The following C1orf116 variants were observed in gnomAD, a reference collection of about 807,000 sequenced individuals.
C1orf116 encodes specifically androgen-regulated gene protein.
C1orf116 carries 12 observed loss-of-function variants against 14.1 expected under a neutral mutation model. The ratio of observed to expected loss-of-function variants is 0.85; its 90% CI spans 0.54 to 1.38. C1orf116 has a LOEUF of 1.38. Among genes scored for constraint, C1orf116 ranks in the 40% most tolerant of loss-of-function variants. The pLI, the probability that C1orf116 is intolerant of heterozygous loss-of-function variation, is 0.00. For missense variants in C1orf116, 797 were observed against 747.0 expected, an observed-to-expected ratio of 1.07 and a Z score of -0.78; for synonymous variants, 296 against 299.0, an observed-to-expected ratio of 0.99 and a Z score of 0.10.
At chr1:207,024,174 G>A (rs1309524409) in intron 3 of C1orf116, among the ~76,000 whole-genome samples, 2 of 152,260 alleles carry the variant, frequency 1.3e-5, no homozygotes, top group Non-Finnish European at 2.9e-5. Context: ...CCCTGGGCCA[G>A]TGAATCAGCC....
chr1:207,021,685 T>G lies in C1orf116; in HGVS notation c.*273A>C. The G allele has an allele frequency of 6.6e-6, 2 of 300,824 alleles. No individual in the cohort carries two copies. Among genetic ancestry groups the G allele is most frequent in the Non-Finnish European group, 6.2e-6 (1 of 162,428 alleles). 18.6% of individuals were successfully genotyped at this position (300,824 alleles called of 1,614,324 possible). A position where few individuals can be genotyped will look rare whatever the true frequency, so the allele number is the denominator to read the frequency against. ...GAGCAAAATTCTGAACAGTGACTCA[T>G]TGTGTTATATCAATAGCTTCAGTGA... is the stretch of plus-strand genomic sequence containing the variant. On this transcript the variant is annotated 3_prime_UTR_variant, in exon 4 of 4. Transcript: ENST00000359470.
At chr1:207,030,330 C>T (rs1212696160) in intron 1 of C1orf116, among the ~76,000 whole-genome samples, 3 of 152,092 alleles carry the variant, frequency 2.0e-5, no homozygotes, top group Admixed American at 6.6e-5. Context: ...TATCTGGATG[C>T]AAGAGGGGCA....
intron 1 of C1orf116, among the ~76,000 whole-genome samples, chr1:207,028,087 C>T (rs949156221): frequency 2.0e-5 from 3 of 152,178 alleles, no homozygotes; most frequent in African/African-American, 7.2e-5. Context: ...TACTCTGAGT[C>T]TGTTTTTCCT....
chr1:207,023,757 A>T (rs1681965255), intron 3 of C1orf116, among the ~76,000 whole-genome samples: 1 of 152,222 alleles, frequency 6.6e-6, no homozygotes, highest in Non-Finnish European at 1.5e-5. Context: ...CAAGTGGATC[A>T]TTTGAGCCCA....
Position 207,022,523 on chromosome 1 carries a change from G to A in C1orf116, c.1241C>T (p.Pro414Leu), listed in dbSNP as rs139672832. The A allele has an allele frequency of 1.5e-3, 2,436 of 1,614,136 alleles. 4 individuals carry two copies. The highest frequency in any genetic ancestry group is 1.8e-3 in the Non-Finnish European group (2,128 of 1,179,998). Residue 414 changes from proline (P) to leucine (L), a missense_variant, in exon 4 of 4, where the codon CCG becomes CTG. Physicochemically the swap from Pro to Leu is moderately conservative, Grantham distance 98. Coordinates refer to ENST00000359470, the MANE Select transcript of C1orf116 (RefSeq NM_023938.6). ...CTGAGCTGGACCTGGAGCTGGAGCC[G>A]GAGCTTGAGCCAGAGCCTTCCCAGC... is the stretch of plus-strand genomic sequence containing the variant. ...PAAGKALAQA[P>L]APAPGPAQGP...
intron 1 of C1orf116, among the ~76,000 whole-genome samples, chr1:207,030,969 G>A (rs1682225681): frequency 6.6e-6 from 1 of 152,156 alleles, no homozygotes; most frequent in Admixed American, 6.5e-5. Context: ...GAGATGGTGG[G>A]GTGGGGAGAG....
chr1:207,029,651 T>C (rs1360002250), intron 1 of C1orf116, among the ~76,000 whole-genome samples: 1 of 152,228 alleles, frequency 6.6e-6, no homozygotes. Context: ...TTCTAACCTA[T>C]AACTGTCAGC....
At chr1:207,030,778 C>T (rs1332691066) in intron 1 of C1orf116, among the ~76,000 whole-genome samples, 1 of 152,202 alleles carries the variant, frequency 6.6e-6, no homozygotes, top group African/African-American at 2.4e-5. Flanking sequence ...GGTATCTTAA[C>T]CCTTGACCTC....
rs776480857 is a variant in C1orf116 at position 207,027,522 on chromosome 1, A to G, written c.77T>C (p.Met26Thr). ...TCCAGAGCGGGTGGAGGTGCTGCTC[A>G]TCATGCTGTCACAGCTGCCGACACG... ...VTRVGSCDSM[M>T]SSTSTRSGSS... Residue 26 changes from methionine (M) to threonine (T), a missense_variant, in exon 2 of 4, where the codon ATG becomes ACG. Met to Thr is a moderately conservative substitution (Grantham distance 81). Coordinates refer to ENST00000359470, the MANE Select transcript of C1orf116 (RefSeq NM_023938.6). The G allele has an allele frequency of 7.4e-6, 12 of 1,613,930 alleles. No individual in the cohort carries two copies. Among genetic ancestry groups the G allele is most frequent in the Non-Finnish European group, 1.0e-5 (12 of 1,180,026 alleles).
chr1:207,020,702 G>A lies in C1orf116; in HGVS notation c.*1256C>T, dbSNP rs1681819101. ...AAGCCACAGCAATAACTATTAGTTT[G>A]AACAATATTTAATCTCTGATGCTTC... On this transcript the variant is annotated 3_prime_UTR_variant, in exon 4 of 4. Transcript: ENST00000359470. 6.6e-6 allele frequency: 1 copy of A among 152,200 alleles called. No homozygotes were observed. The allele number at this position is 152,200 out of a possible 1,614,324, so 9.4% of individuals were successfully genotyped here.
Position 207,023,362 on chromosome 1 carries a change from G to A in C1orf116, c.402C>T (p.Leu134=), listed in dbSNP as rs764997468. ...TTCTGGCAATGTGGATATTCCTAGG[G>A]AGGCTGTAGGAGCCAGACCTGAGGC... ...GLGLRSGSYS[L]PRNIHIARSQ... The change falls in exon 4 of 4, where the codon CTC becomes CTT. Residue 134 remains leucine, a synonymous_variant. Transcript: ENST00000359470. The A allele has an allele frequency of 1.2e-6, 2 of 1,614,162 alleles. No homozygotes were observed. The highest frequency in any genetic ancestry group is 1.7e-6 in the Non-Finnish European group (2 of 1,179,996).
At position 207,022,417 on chromosome 1, in the gene C1orf116, T is replaced by C. The variant is rs765482413; in HGVS notation, c.1347A>G (p.Pro449=). 3 of 1,614,056 alleles carry C rather than the reference T, an allele frequency of 1.9e-6. No homozygotes were observed. The Admixed American group carries it at 5.0e-5, about 27-fold the overall frequency. The change falls in exon 4 of 4, where the codon CCA becomes CCG. Residue 449 remains proline, a synonymous_variant. Coordinates refer to ENST00000359470, the MANE Select transcript of C1orf116 (RefSeq NM_023938.6). ...KSMPISIPKA[P]RANSALTPPK... Reference sequence around the variant, plus strand: ...GTGGAGTCAGGGCACTGTTTGCCCTTGGGGCCTTAGGGATAGAAATTGGCA... The same window carrying C: ...GTGGAGTCAGGGCACTGTTTGCCCTCGGGGCCTTAGGGATAGAAATTGGCA...
At position 207,019,275 on chromosome 1, in the gene C1orf116, C is replaced by T. The variant is rs928318692; in HGVS notation, c.*2683G>A. The T allele has an allele frequency of 6.6e-6, 1 of 152,316 alleles. No individual in the cohort carries two copies. Among genetic ancestry groups the T allele is most frequent in the Non-Finnish European group, 1.5e-5 (1 of 68,108 alleles). The allele number at this position is 152,316 out of a possible 1,614,324, so 9.4% of individuals were successfully genotyped here. On this transcript the variant is annotated 3_prime_UTR_variant, in exon 4 of 4. Coordinates refer to ENST00000359470, the MANE Select transcript of C1orf116 (RefSeq NM_023938.6). ...AACACATCTGAGGGCACAGACCCCC[C>T]TATCATGCCAGGCTGGGAGAGGCCA...
rs1681732699 is a variant in C1orf116, at chr1:207,018,701, A to G, written c.*3257T>C. On this transcript the variant is annotated 3_prime_UTR_variant, in exon 4 of 4. Coordinates refer to ENST00000359470, the MANE Select transcript of C1orf116 (RefSeq NM_023938.6). ...CGCCAGGGTTCCTGACTGGTAAGTGATGGAGGCTGAATTTGAGCCAGATCT... is the reference window on the plus strand; with the variant it reads ...CGCCAGGGTTCCTGACTGGTAAGTGGTGGAGGCTGAATTTGAGCCAGATCT... The G allele has an allele frequency of 6.6e-6, 1 of 152,160 alleles. No individual in the cohort carries two copies. Among genetic ancestry groups the G allele is most frequent in the Non-Finnish European group, 1.5e-5 (1 of 68,022 alleles). The allele number at this position is 152,160 out of a possible 1,614,324, so 9.4% of individuals were successfully genotyped here.
In C1orf116 at chr1:207,027,664, A is replaced by T; in HGVS notation, c.-66T>A. ...GAGGGGAAGCGAGGGGAAGTGAACA[A>T]TGTCCCAAGCCGGGCCTGAAAAGAG... On this transcript the variant is annotated 5_prime_UTR_variant, in exon 2 of 4. In the 5' UTR this introduces an upstream ATG that the reference lacks. Coordinates refer to ENST00000359470, the MANE Select transcript of C1orf116 (RefSeq NM_023938.6). 2 of 1,591,088 alleles carry T rather than the reference A, an allele frequency of 1.3e-6. No individual in the cohort carries two copies. Among genetic ancestry groups the T allele is most frequent in the South Asian group, 2.2e-5 (2 of 90,362 alleles).
chr1:207,025,164 G>GCAGAAA (rs1455551563), intron 2 of C1orf116, 100 bp from the exon 3 acceptor site: 6 of 908,600 alleles, frequency 6.6e-6, no homozygotes, highest in Non-Finnish European at 1.0e-5. Context: ...CGCTCCCTCC[G>GCAGAAA]CAGAAACTGG....
Position 207,022,170 on chromosome 1 carries a change from A to C in C1orf116, c.1594T>G (p.Ser532Ala). The change falls in exon 4 of 4, where the codon TCC (serine) becomes GCC (alanine). Residue 532 changes from serine (S) to alanine (A), a missense_variant. Coordinates refer to ENST00000359470, the MANE Select transcript of C1orf116 (RefSeq NM_023938.6). Reference protein sequence around the residue: ...VLRNSRPRPASLGTGKDFAGI... With the variant: ...VLRNSRPRPAALGTGKDFAGI... ...GCAAAATCTTTCCCCGTGCCCAGGG[A>C]GGCCGGGCGGGGCCGAGAATTACGT... The C allele has an allele frequency of 1.2e-6, 2 of 1,613,542 alleles. No homozygotes were observed. Among genetic ancestry groups the C allele is most frequent in the South Asian group, 1.1e-5 (1 of 91,066 alleles).
At chr1:207,029,719 G>A (rs1682188944) in intron 1 of C1orf116, among the ~76,000 whole-genome samples, 1 of 152,166 alleles carries the variant, frequency 6.6e-6, no homozygotes, top group Non-Finnish European at 1.5e-5. Context: ...TTTGGGCAAT[G>A]TTTTCAGTTA....
chr1:207,022,179 G>A lies in C1orf116; in HGVS notation c.1585C>T (p.Arg529Cys), dbSNP rs371977123. 1.3e-4 allele frequency: 216 copies of A among 1,613,466 alleles called. No homozygotes were observed. The highest frequency in any genetic ancestry group is 1.6e-4 in the Non-Finnish European group (193 of 1,179,618). The change falls in exon 4 of 4, where the codon CGC becomes TGC. Residue 529 changes from arginine to cysteine, a missense_variant. Coordinates refer to ENST00000359470, the MANE Select transcript of C1orf116 (RefSeq NM_023938.6). ...TTCCCCGTGCCCAGGGAGGCCGGGC[G>A]GGGCCGAGAATTACGTAAGACACTG... ...SPSVLRNSRP[R>C]PASLGTGKDF...
Sources: allele counts gnomAD v4.1 joint callset (sites outside exome capture counted in the v4.1 genomes callset), GRCh38; gene constraint gnomAD v4.1.1; transcripts MANE v1.5; gene names NCBI Gene and HGNC (gene_info 2026-07-23, HGNC 2026-07-21).